EPHA5: variants seen among roughly 807,000 people sequenced by gnomAD.
EPHA5 encodes ephrin type-A receptor 5.
Under a neutral mutation model 105.0 loss-of-function variants are expected in EPHA5, and 60 were observed. The ratio of observed to expected loss-of-function variants is 0.57; its 90% CI spans 0.46 to 0.71. EPHA5 has a LOEUF of 0.71. EPHA5 is among the 30% of genes least tolerant of loss of function. The probability of loss-of-function intolerance (pLI) is 0.00; values close to 1 mark genes in which losing one functional copy is unlikely to be tolerated. For synonymous variants in EPHA5, 513 were observed against 449.1 expected, an observed-to-expected ratio of 1.14 and a Z score of -1.80; for missense variants, 1,218 against 1,274.7, an observed-to-expected ratio of 0.96 and a Z score of 0.68.
intron 14 of EPHA5, among the ~76,000 whole-genome samples, chr4:65,342,268 T>C (rs972230136): frequency 6.6e-6 from 1 of 152,112 alleles, no homozygotes; most frequent in Non-Finnish European, 1.5e-5. Context: ...TTCATGAGGC[T>C]ACTAGTTCCT....
intron 3 of EPHA5, among the ~76,000 whole-genome samples, chr4:65,579,328 C>T (rs955508251): frequency 7.0e-6 from 1 of 143,122 alleles, no homozygotes; most frequent in Non-Finnish European, 1.5e-5. Flanking sequence ...GGGGAATAAC[C>T]TGCATGTGTA....
At chr4:65,373,818 C>T (rs563485294) in intron 8 of EPHA5, among the ~76,000 whole-genome samples, 12 of 151,624 alleles carry the variant, frequency 7.9e-5, no homozygotes, top group Non-Finnish European at 2.9e-5. Context: ...CATTTAAATC[C>T]CTCAGAGGAT....
intron 3 of EPHA5, among the ~76,000 whole-genome samples, chr4:65,531,528 A>G (rs983025416): frequency 1.4e-5 from 2 of 146,074 alleles, no homozygotes; most frequent in Admixed American, 7.1e-5. Flanking sequence ...TCTTTGCAGA[A>G]TGACCATGAT....
intron 8 of EPHA5, among the ~76,000 whole-genome samples, chr4:65,370,293 C>T (rs1421105104): frequency 2.6e-5 from 4 of 152,030 alleles, no homozygotes; most frequent in African/African-American, 9.7e-5. Flanking sequence ...TAATACATTG[C>T]TCATAATTTT....
At chr4:65,537,679 A>G (rs897899517) in intron 3 of EPHA5, among the ~76,000 whole-genome samples, 4 of 151,760 alleles carry the variant, frequency 2.6e-5, no homozygotes, top group African/African-American at 7.2e-5. Context: ...TTTTTCTTAT[A>G]TAGAAGGATT....
chr4:65,468,968 G>T lies in EPHA5; in HGVS notation c.1402+21409C>A, dbSNP rs117182218. On this transcript the variant is annotated intron_variant, in intron 5 of 16. Coordinates refer to ENST00000613740, the MANE Select transcript of EPHA5 (RefSeq NM_001281766.3). The stretch of plus-strand genomic sequence containing the variant: ...TTCCATGGGGAAGTCTGTGGGGAAG[G>T]AGCCAGCTTCATCACAGTGATAGGT... Among the ~76,000 whole-genome samples the T allele has an allele frequency of 1.2e-3, 188 of 152,076 alleles. 2 individuals carry two copies. In the East Asian group the frequency reaches 0.029, roughly 24 times the overall value.
intron 6 of EPHA5, among the ~76,000 whole-genome samples, chr4:65,415,467 C>T (rs1723301220): frequency 2.0e-5 from 3 of 151,862 alleles, no homozygotes. Context: ...CTAAAATATA[C>T]AATCTATAAA....
chr4:65,409,617 G>T (rs1449486309), intron 7 of EPHA5, among the ~76,000 whole-genome samples: 1 of 152,090 alleles, frequency 6.6e-6, no homozygotes, highest in African/African-American at 2.4e-5. Context: ...TAAAATAATT[G>T]CAAGAGCCAG....
chr4:65,483,488 G>A (rs967918007), intron 5 of EPHA5, among the ~76,000 whole-genome samples: 1 of 152,162 alleles, frequency 6.6e-6, no homozygotes, highest in Non-Finnish European at 1.5e-5. Context: ...CAGTGTAAAA[G>A]TGTTCCCATT....
Position 65,336,131 on chromosome 4 carries a change from TA to T in EPHA5, c.2596-7del, listed in dbSNP as rs752062773. 5 of 1,594,600 alleles carry T rather than the reference TA, an allele frequency of 3.1e-6. No individual in the cohort carries two copies. The African/African-American group carries it at 5.4e-5, about 17-fold the overall frequency. ...TCCTCTACCGCTTTAATCACCTGTA[TA>T]AAGCAAAACAGAACCAGCACCCCAA... On this transcript the variant is annotated splice_polypyrimidine_tract_variant and splice_region_variant and intron_variant, in intron 14 of 16. Coordinates refer to ENST00000613740, the MANE Select transcript of EPHA5 (RefSeq NM_001281766.3).
intron 5 of EPHA5, among the ~76,000 whole-genome samples, chr4:65,463,538 T>C (rs1728320026): frequency 2.0e-5 from 3 of 152,126 alleles, no homozygotes; most frequent in African/African-American, 7.2e-5. Context: ...AACCCAAAGA[T>C]ATCAACAAAG....
intron 5 of EPHA5, among the ~76,000 whole-genome samples, chr4:65,478,850 TA>T (rs1481074325): frequency 6.6e-6 from 1 of 152,196 alleles, no homozygotes; most frequent in Non-Finnish European, 1.5e-5. Flanking sequence ...TCAAGATTAA[TA>T]TAAGCTCAAT....
chr4:65,523,075 T>G (rs922067720), intron 3 of EPHA5, among the ~76,000 whole-genome samples: 1 of 151,970 alleles, frequency 6.6e-6, no homozygotes, highest in East Asian at 1.9e-4. Flanking sequence ...TTCTCCGTTC[T>G]TAATACTCAG....
intron 4 of EPHA5, among the ~76,000 whole-genome samples, chr4:65,492,018 T>C (rs541888135): frequency 2.0e-5 from 3 of 152,288 alleles, no homozygotes; most frequent in Admixed American, 2.0e-4. Flanking sequence ...ATGGTGGTAG[T>C]TGAATGGTTC....
chr4:65,605,015 C>T (rs950144154), intron 2 of EPHA5, among the ~76,000 whole-genome samples: 3 of 152,186 alleles, frequency 2.0e-5, no homozygotes, highest in African/African-American at 7.2e-5. Context: ...TGTAGCTCTG[C>T]TCTTTAGGTC....
chr4:65,492,356 C>T (rs1445206795), intron 4 of EPHA5, among the ~76,000 whole-genome samples: 1 of 151,758 alleles, frequency 6.6e-6, no homozygotes, highest in Non-Finnish European at 1.5e-5. Context: ...GGCCCACCAC[C>T]ACACCTGGCT....
At chr4:65,562,401 G>T (rs1392550224) in intron 3 of EPHA5, among the ~76,000 whole-genome samples, 1 of 151,692 alleles carries the variant, frequency 6.6e-6, no homozygotes, top group African/African-American at 2.4e-5. Flanking sequence ...ATAAATATTT[G>T]CAGACCTTTA....
intron 14 of EPHA5, among the ~76,000 whole-genome samples, chr4:65,346,575 A>G (rs753019303): frequency 6.5e-4 from 98 of 151,878 alleles, no homozygotes; most frequent in Non-Finnish European, 1.3e-3. Flanking sequence ...AAGTTCTAGG[A>G]CTTCATGACT....
intron 16 of EPHA5, among the ~76,000 whole-genome samples, chr4:65,329,869 T>A (rs909870694): frequency 1.5e-4 from 23 of 150,580 alleles, no homozygotes; most frequent in African/African-American, 4.1e-4. Context: ...TTTAAAAAAA[T>A]TTTTTTGACC....
Sources: allele counts gnomAD v4.1 joint callset (sites outside exome capture counted in the v4.1 genomes callset), GRCh38; gene constraint gnomAD v4.1.1; transcripts MANE v1.5; gene names NCBI Gene and HGNC (gene_info 2026-07-23, HGNC 2026-07-21).